The following ENOX1 variants were observed in gnomAD, a reference collection of about 807,000 sequenced individuals.
ENOX1 encodes the protein candidate growth-related and time keeping constitutive hydroquinone (NADH) oxidase.
In ENOX1, 42 loss-of-function variants were observed where a neutral mutation model predicts 82.5. The observed-to-expected ratio is 0.51, with a 90% confidence interval of 0.40 to 0.66. The LOEUF (loss-of-function observed/expected upper bound fraction) is 0.66, where lower values mean the gene tolerates loss of function less well. ENOX1 is among the 30% of genes least tolerant of loss of function. ENOX1 has a pLI of 0.00. For synonymous variants in ENOX1, 271 were observed against 282.2 expected (o/e 0.96, Z 0.40); for missense variants, 608 against 811.6 (o/e 0.75, Z 3.05).
chr13:43,480,341 A>C (rs572358566), intron 3 of ENOX1, among the ~76,000 whole-genome samples: 1 of 152,280 alleles, frequency 6.6e-6, no homozygotes, highest in East Asian at 1.9e-4. Context: ...TCAATAGATG[A>C]TTTTCAATGT....
intron 2 of ENOX1, among the ~76,000 whole-genome samples, chr13:43,502,054 C>T (rs937047134): frequency 4.0e-5 from 6 of 150,922 alleles, no homozygotes; most frequent in African/African-American, 1.5e-4. Context: ...TAACTGATGC[C>T]ACAAAAATAA....
chr13:43,510,563 G>T (rs779709347), intron 2 of ENOX1, among the ~76,000 whole-genome samples: 5 of 152,076 alleles, frequency 3.3e-5, no homozygotes, highest in Non-Finnish European at 7.4e-5. Context: ...TCCTGTTGGG[G>T]CCCGCTCCTA....
chr13:43,290,735 TA>T (rs1449360767), intron 12 of ENOX1, among the ~76,000 whole-genome samples: 2 of 152,170 alleles, frequency 1.3e-5, no homozygotes, highest in South Asian at 2.1e-4. Context: ...GTATCTAAAA[TA>T]GAAGTTGAGG....
chr13:43,479,327 AAAAAC>A (rs2058418715), intron 3 of ENOX1, among the ~76,000 whole-genome samples: 3 of 122,910 alleles, frequency 2.4e-5, no homozygotes, highest in Admixed American at 7.4e-5. Context: ...AGCAAGTGAA[AAAAAC>A]AACTACTACT....
chr13:43,343,872 G>T (rs776188681), intron 9 of ENOX1, among the ~76,000 whole-genome samples: 5 of 151,882 alleles, frequency 3.3e-5, no homozygotes, highest in Admixed American at 6.6e-5. Context: ...AAAAATATAC[G>T]CCCTTTTTTT....
intron 1 of ENOX1, among the ~76,000 whole-genome samples, chr13:43,673,746 T>C (rs2085374691): frequency 6.6e-6 from 1 of 152,254 alleles, no homozygotes; most frequent in East Asian, 1.9e-4. Context: ...AATACCTTTC[T>C]CTCTGCAGTA....
chr13:43,521,010 G>A (rs2077745109), intron 2 of ENOX1, among the ~76,000 whole-genome samples: 1 of 152,146 alleles, frequency 6.6e-6, no homozygotes, highest in South Asian at 2.1e-4. Context: ...TGTACACTAT[G>A]CAGGAAACAA....
intron 14 of ENOX1, among the ~76,000 whole-genome samples, chr13:43,261,519 G>A (rs537055429): frequency 6.6e-6 from 1 of 152,176 alleles, no homozygotes; most frequent in Non-Finnish European, 1.5e-5. Context: ...ACACACAGGC[G>A]TGTGGTTCAA....
At chr13:43,673,024 C>A (rs1245937791) in intron 1 of ENOX1, among the ~76,000 whole-genome samples, 1 of 152,104 alleles carries the variant, frequency 6.6e-6, no homozygotes, top group Non-Finnish European at 1.5e-5. Flanking sequence ...TAGATCAATT[C>A]TTTGTTTAGT....
chr13:43,230,956 A>C (rs1425130616), intron 15 of ENOX1, among the ~76,000 whole-genome samples: 3 of 152,152 alleles, frequency 2.0e-5, no homozygotes, highest in African/African-American at 7.2e-5. Flanking sequence ...GGCTGCTTGG[A>C]GTTTTCATTC....
chr13:43,253,387 G>A (rs560815270), intron 14 of ENOX1, among the ~76,000 whole-genome samples: 2 of 152,314 alleles, frequency 1.3e-5, no homozygotes, highest in South Asian at 4.1e-4. Flanking sequence ...ATGTGTCAAT[G>A]AGATGGATGA....
intron 14 of ENOX1, among the ~76,000 whole-genome samples, chr13:43,241,746 AC>A (rs1158174921): frequency 6.6e-6 from 1 of 152,230 alleles, no homozygotes; most frequent in Non-Finnish European, 1.5e-5. Flanking sequence ...GATGTCACAG[AC>A]TTTTTAAAAG....
At chr13:43,478,164 A>G (rs1371918394) in intron 3 of ENOX1, among the ~76,000 whole-genome samples, 1 of 148,946 alleles carries the variant, frequency 6.7e-6, no homozygotes, top group Non-Finnish European at 1.5e-5. Flanking sequence ...ATTAAATATG[A>G]GGGGTAGAAA....
chr13:43,520,559 C>T (rs911984417), intron 2 of ENOX1, among the ~76,000 whole-genome samples: 1 of 152,152 alleles, frequency 6.6e-6, no homozygotes, highest in East Asian at 1.9e-4. Context: ...TTTCTTTTCA[C>T]AGATCTTTTT....
chr13:43,667,442 C>T (rs1303183914), intron 2 of ENOX1, 37 bp downstream of exon 2: 2 of 984,618 alleles, frequency 2.0e-6, no homozygotes, highest in South Asian at 4.7e-5. Flanking sequence ...GACAACCAAC[C>T]TGCTTGTTAT....
At chr13:43,742,439 G>A (rs1949791887) in intron 1 of ENOX1, among the ~76,000 whole-genome samples, 2 of 151,880 alleles carry the variant, frequency 1.3e-5, no homozygotes, top group Non-Finnish European at 2.9e-5. Flanking sequence ...GAGAGACAGT[G>A]TGTGTGTGTG....
chr13:43,741,375 G>A (rs769317209), intron 1 of ENOX1, among the ~76,000 whole-genome samples: 2 of 152,092 alleles, frequency 1.3e-5, no homozygotes, highest in Non-Finnish European at 2.9e-5. Flanking sequence ...GAGTCACTGC[G>A]CCCGCCTGAA....
intron 2 of ENOX1, among the ~76,000 whole-genome samples, chr13:43,553,171 T>C (rs1390922838): frequency 6.6e-6 from 1 of 152,040 alleles, no homozygotes; most frequent in Non-Finnish European, 1.5e-5. Context: ...AAAAACGAAA[T>C]ACAGCAGCAA....
chr13:43,416,926 G>A (rs1217855659), intron 3 of ENOX1, among the ~76,000 whole-genome samples: 1 of 152,206 alleles, frequency 6.6e-6, no homozygotes, highest in Non-Finnish European at 1.5e-5. Context: ...GCAACATTGA[G>A]CATTGAGTGA....
Sources: allele counts gnomAD v4.1 joint callset (sites outside exome capture counted in the v4.1 genomes callset), GRCh38; gene constraint gnomAD v4.1.1; transcripts MANE v1.5; gene names NCBI Gene and HGNC (gene_info 2026-07-23, HGNC 2026-07-21).